SERPINB11: variants seen among roughly 807,000 people sequenced by gnomAD.
SERPINB11 encodes serpin family B member 11, also known as serpin B11.
SERPINB11 carries 32 observed loss-of-function variants against 36.7 expected under a neutral mutation model. The observed-to-expected ratio is 0.87, with a 90% CI of 0.66 to 1.17. The LOEUF (loss-of-function observed/expected upper bound fraction) is 1.17, where lower values mean the gene tolerates loss of function less well. SERPINB11 is among the 50% of genes most tolerant of loss of function. The pLI is 0.00. For synonymous variants in SERPINB11, 174 were observed against 168.1 expected, an observed-to-expected ratio of 1.04 and a Z score of -0.27; for missense variants, 528 against 458.4, an observed-to-expected ratio of 1.15 and a Z score of -1.39.
chr18:63,715,302 T>C (rs1005564702), intron 4 of SERPINB11, among the ~76,000 whole-genome samples: 1 of 152,052 alleles, frequency 6.6e-6, no homozygotes, highest in African/African-American at 2.4e-5. Flanking sequence ...CAACGGAAAG[T>C]CTCCAGTTCT....
chr18:63,717,507 T>A (rs1284234124), intron 5 of SERPINB11, among the ~76,000 whole-genome samples: 2 of 152,084 alleles, frequency 1.3e-5, no homozygotes, highest in Non-Finnish European at 2.9e-5. Context: ...GAGAATTTCA[T>A]TTGTCCCTCC....
rs76187826 is a variant in SERPINB11 at position 63,708,079 on chromosome 18, G to A, written c.-15-2100G>A. On this transcript the variant is annotated intron_variant, in intron 1 of 7. Transcript: ENST00000544088. ...GGAATAGAAAGTGCAAATGCCCTGA[G>A]GTTGAATGTACTTGTTATGTTGAAG... Among the ~76,000 whole-genome samples the A allele has an allele frequency of 4.4e-3, 677 of 152,330 alleles. 4 individuals are homozygous for A. Among genetic ancestry groups the A allele is most frequent in the African/African-American group, 0.016 (649 of 41,578 alleles).
chr18:63,707,518 G>C (rs1435987492), intron 1 of SERPINB11, among the ~76,000 whole-genome samples: 2 of 152,176 alleles, frequency 1.3e-5, no homozygotes, highest in Non-Finnish European at 2.9e-5. Context: ...TCAGGTGTTT[G>C]AGTCTCTGCT....
intron 2 of SERPINB11, among the ~76,000 whole-genome samples, chr18:63,711,108 T>G (rs1914510523): frequency 6.6e-6 from 1 of 152,260 alleles, no homozygotes; most frequent in East Asian, 1.9e-4. Context: ...CTTAAACTTA[T>G]AGTTTCCCTA....
intron 3 of SERPINB11, 79 bp downstream of exon 3, chr18:63,711,473 A>G (rs1378636060): frequency 7.1e-6 from 8 of 1,123,336 alleles, no homozygotes; most frequent in African/African-American, 6.2e-5. Context: ...GTTGAGTAGA[A>G]AAGCTCCTTC....
In SERPINB11 at chr18:63,720,932, C is replaced by T. The variant is rs1304404316; in HGVS notation, c.720C>T (p.Asn240=). The change falls in exon 7 of 8, where the codon AAC becomes AAT. Residue 240 remains asparagine, a synonymous_variant. Coordinates refer to ENST00000544088, the MANE Select transcript of SERPINB11 (RefSeq NM_001370475.1). The stretch of plus-strand genomic sequence containing the variant: ...AAGTTCTTGAGCTGCCCTACGTTAA[C>T]AACAAATTAAGCATGATTATTCTGC... The part of the protein sequence containing the change: ...QMQVLELPYV[N]NKLSMIILLP... The T allele has an allele frequency of 1.9e-6, 3 of 1,609,164 alleles. No individual in the cohort carries two copies. Among genetic ancestry groups the T allele is most frequent in the Non-Finnish European group, 1.7e-6 (2 of 1,177,952 alleles).
upstream of SERPINB11, chr18:63,702,353 G>T (rs1256787933): frequency 6.6e-6 from 1 of 152,256 alleles, no homozygotes. Flanking sequence ...AGCACTTTAG[G>T]AGGCTGAGGC....
rs544499445 is a variant in SERPINB11 at position 63,711,568 on chromosome 18, A to T, written c.228+174A>T. Among the ~76,000 whole-genome samples the T allele has an allele frequency of 5.9e-5, 9 of 152,286 alleles. No homozygotes were observed. The South Asian group carries it at 1.9e-3, about 32-fold the overall frequency. On this transcript the variant is annotated intron_variant, in intron 3 of 7. Coordinates refer to ENST00000544088, the MANE Select transcript of SERPINB11 (RefSeq NM_001370475.1). ...GCCTGTAGAGTTTAATATAATAATG[A>T]TAATAATAACAATAGTAAAGTTTCT...
rs1314414457 is a variant in SERPINB11 at position 63,719,995 on chromosome 18, T to C, written c.476-18T>C. ...AGGAGTTCAAATCCAAATATAATTA[T>C]CTTATTTTTTATACAAGGAAAAGTC... On this transcript the variant is annotated intron_variant, in intron 5 of 7. Coordinates refer to ENST00000544088, the MANE Select transcript of SERPINB11 (RefSeq NM_001370475.1). The C allele has an allele frequency of 1.3e-6, 2 of 1,578,016 alleles. No individual in the cohort carries two copies. Among genetic ancestry groups the C allele is most frequent in the African/African-American group, 1.4e-5 (1 of 72,926 alleles).
chr18:63,722,792 T>C (rs572903543), intron 7 of SERPINB11, among the ~76,000 whole-genome samples: 1 of 152,246 alleles, frequency 6.6e-6, no homozygotes, highest in African/African-American at 2.4e-5. Flanking sequence ...AGCTTAATTA[T>C]GAAATTTAGA....
intron 6 of SERPINB11, 46 bp from the exon 7 acceptor site, chr18:63,720,785 T>G: frequency 7.2e-7 from 1 of 1,391,770 alleles, no homozygotes; most frequent in Non-Finnish European, 9.9e-7. Flanking sequence ...CACACACATG[T>G]GCACTCACAT....
At chr18:63,707,485 A>C (rs920643173) in intron 1 of SERPINB11, among the ~76,000 whole-genome samples, 69 of 152,162 alleles carry the variant, frequency 4.5e-4, no homozygotes, top group African/African-American at 1.6e-3. Flanking sequence ...TATTTCATGC[A>C]TTTGTAATAT....
At position 63,723,261 on chromosome 18, in the gene SERPINB11, A is replaced by T; in HGVS notation, c.1041A>T (p.Ala347=). The T allele has an allele frequency of 6.2e-7, 1 of 1,614,012 alleles. No individual in the cohort carries two copies. ...LDVSEEGTEA[A]AATGDSIAVK... Reference sequence around the variant, plus strand: ...TCAGCGAAGAGGGCACGGAGGCAGCAGCAGCCACTGGGGACAGCATCGCTG... The same window carrying T: ...TCAGCGAAGAGGGCACGGAGGCAGCTGCAGCCACTGGGGACAGCATCGCTG... The change falls in exon 8 of 8, where the codon GCA becomes GCT. Residue 347 remains alanine (A), a synonymous_variant. Coordinates refer to ENST00000544088, the MANE Select transcript of SERPINB11 (RefSeq NM_001370475.1).
chr18:63,705,564 AC>A (rs1168089848), intron 1 of SERPINB11: 2 of 152,230 alleles, frequency 1.3e-5, no homozygotes, highest in African/African-American at 4.8e-5. Context: ...TATGCCAAGA[AC>A]CAGAGCATGT....
At chr18:63,722,480 A>T (rs1189204550) in intron 7 of SERPINB11, among the ~76,000 whole-genome samples, 2 of 152,212 alleles carry the variant, frequency 1.3e-5, no homozygotes, top group Non-Finnish European at 2.9e-5. Flanking sequence ...TGCTGGGCAG[A>T]GGCACAGGTG....
Position 63,716,099 on chromosome 18 carries a change from C to T in SERPINB11, c.422C>T (p.Ser141Phe). 2 of 1,612,112 alleles carry T rather than the reference C, an allele frequency of 1.2e-6. No individual in the cohort carries two copies. The highest frequency in any genetic ancestry group is 1.7e-6 in the Non-Finnish European group (2 of 1,178,848). Residue 141 changes from serine (S) to phenylalanine (F), a missense_variant, in exon 5 of 8, where the codon TCT (serine) becomes TTT (phenylalanine). Coordinates refer to ENST00000544088, the MANE Select transcript of SERPINB11 (RefSeq NM_001370475.1). Reference protein sequence around the residue: ...ARLQTVDFEQSTEETRKTINA... With the variant: ...ARLQTVDFEQFTEETRKTINA... ...TTGCAAACTGTGGATTTTGAACAGT[C>T]TACAGAAGAAACGAGGAAAACGATT...
intron 1 of SERPINB11, among the ~76,000 whole-genome samples, chr18:63,704,676 T>C (rs1197136188): frequency 6.6e-6 from 1 of 152,238 alleles, no homozygotes; most frequent in Non-Finnish European, 1.5e-5. Flanking sequence ...TATTCTTTCT[T>C]GGTACTATGA....
chr18:63,720,639 C>A (rs984793230), intron 6 of SERPINB11, 192 bp from the exon 7 acceptor site: 3 of 536,098 alleles, frequency 5.6e-6, no homozygotes, highest in Non-Finnish European at 9.7e-6. Flanking sequence ...CAGTCTCTAA[C>A]CATGACTTAT....
intron 4 of SERPINB11, among the ~76,000 whole-genome samples, chr18:63,713,681 G>A (rs1914587334): frequency 6.6e-6 from 1 of 152,150 alleles, no homozygotes. Flanking sequence ...AGCATATAGG[G>A]AACGATGTAT....
Sources: allele counts gnomAD v4.1 joint callset (sites outside exome capture counted in the v4.1 genomes callset), GRCh38; gene constraint gnomAD v4.1.1; transcripts MANE v1.5; gene names NCBI Gene and HGNC (gene_info 2026-07-23, HGNC 2026-07-21).